The following CACNA2D3 variants were observed in gnomAD, a reference collection of about 807,000 sequenced individuals.
The protein encoded by CACNA2D3 is voltage-dependent calcium channel subunit alpha-2/delta-3.
A neutral mutation model predicts 160.6 loss-of-function variants in CACNA2D3; 60 were observed. The ratio of observed to expected loss-of-function variants is 0.37; its 90% CI spans 0.30 to 0.46. The LOEUF (loss-of-function observed/expected upper bound fraction) is 0.46. CACNA2D3 is among the 20% of genes least tolerant of loss of function. CACNA2D3 has a pLI of 1.00. For synonymous variants in CACNA2D3, 558 were observed against 492.9 expected (o/e 1.13, Z -1.75); for missense variants, 1,205 against 1,365.0 (o/e 0.88, Z 1.85).
At chr3:55,035,492 C>T (rs1035525482) in intron 35 of CACNA2D3, among the ~76,000 whole-genome samples, 2 of 152,148 alleles carry the variant, frequency 1.3e-5, no homozygotes, top group African/African-American at 4.8e-5. Flanking sequence ...GGATAAAGTG[C>T]TCAGGATGTA....
intron 2 of CACNA2D3, among the ~76,000 whole-genome samples, chr3:54,236,172 C>T (rs912606076): frequency 4.6e-5 from 7 of 152,120 alleles, no homozygotes; most frequent in African/African-American, 7.2e-5. Flanking sequence ...AAGCAAGTCT[C>T]GTAGAAACTG....
At chr3:54,877,465 A>G (rs964326516) in intron 18 of CACNA2D3, among the ~76,000 whole-genome samples, 5 of 152,128 alleles carry the variant, frequency 3.3e-5, no homozygotes, top group Non-Finnish European at 7.3e-5. Flanking sequence ...CTTCACTACA[A>G]CTTAATGGGA....
At chr3:54,427,286 G>A in intron 4 of CACNA2D3, among the ~76,000 whole-genome samples, 1 of 152,104 alleles carries the variant, frequency 6.6e-6, no homozygotes, top group East Asian at 1.9e-4. Context: ...ACAGAGAGCA[G>A]TATTTAAATT....
At chr3:54,160,859 A>G (rs6799361) in intron 2 of CACNA2D3, among the ~76,000 whole-genome samples, 78,295 of 152,050 alleles carry the variant, frequency 0.51, 20,616 homozygotes, top group African/African-American at 0.63. Context: ...TTTCATTGAG[A>G]TCAGTATTTT....
intron 13 of CACNA2D3, among the ~76,000 whole-genome samples, chr3:54,811,279 C>T (rs1703305166): frequency 1.3e-5 from 2 of 152,052 alleles, no homozygotes; most frequent in South Asian, 4.2e-4. Flanking sequence ...ATGCCTCTCC[C>T]ATAGTCATCT....
At chr3:55,013,109 A>T (rs573079533) in intron 34 of CACNA2D3, among the ~76,000 whole-genome samples, 1 of 152,290 alleles carries the variant, frequency 6.6e-6, no homozygotes, top group South Asian at 2.1e-4. Flanking sequence ...TTGTCACATA[A>T]TTGCATCATT....
chr3:54,592,874 C>T (rs1219003553), intron 9 of CACNA2D3, among the ~76,000 whole-genome samples: 1 of 152,146 alleles, frequency 6.6e-6, no homozygotes, highest in Admixed American at 6.5e-5. Flanking sequence ...TTCCCCAGTA[C>T]TTTTCTTTCA....
At chr3:54,435,909 T>G (rs1700052316) in intron 4 of CACNA2D3, among the ~76,000 whole-genome samples, 1 of 152,054 alleles carries the variant, frequency 6.6e-6, no homozygotes, top group South Asian at 2.1e-4. Flanking sequence ...CAAGTGGAAA[T>G]TATAGAAATG....
intron 27 of CACNA2D3, among the ~76,000 whole-genome samples, chr3:54,918,072 A>G (rs1483136342): frequency 1.3e-5 from 2 of 152,218 alleles, no homozygotes; most frequent in Admixed American, 1.3e-4. Context: ...CCAGTGGACC[A>G]TAAAGCTCCC....
intron 2 of CACNA2D3, among the ~76,000 whole-genome samples, chr3:54,143,687 G>A (rs1699975732): frequency 1.4e-5 from 2 of 147,286 alleles, no homozygotes; most frequent in South Asian, 4.4e-4. Context: ...TTTTAGTAGA[G>A]ACGGGGTTTC....
At chr3:54,406,365 G>T (rs889125357) in intron 4 of CACNA2D3, among the ~76,000 whole-genome samples, 1 of 152,000 alleles carries the variant, frequency 6.6e-6, no homozygotes, top group Non-Finnish European at 1.5e-5. Flanking sequence ...GTGTATGTGT[G>T]TATATATATG....
intron 11 of CACNA2D3, among the ~76,000 whole-genome samples, chr3:54,707,484 C>A (rs999646204): frequency 3.9e-5 from 6 of 152,172 alleles, no homozygotes; most frequent in Admixed American, 3.3e-4. Context: ...GAAAGGGATT[C>A]ACAGGGCAAC....
intron 27 of CACNA2D3, among the ~76,000 whole-genome samples, chr3:54,964,176 T>A (rs1702092289): frequency 6.6e-6 from 1 of 152,104 alleles, no homozygotes; most frequent in Non-Finnish European, 1.5e-5. Context: ...TGGGGAAGGA[T>A]CCTATGGGAT....
chr3:54,564,213 T>C (rs908053051), intron 6 of CACNA2D3, among the ~76,000 whole-genome samples: 2 of 152,170 alleles, frequency 1.3e-5, no homozygotes, highest in African/African-American at 4.8e-5. Context: ...AAACCGCAGA[T>C]CACCTGTTGT....
At chr3:54,791,815 G>A (rs943586599) in intron 13 of CACNA2D3, among the ~76,000 whole-genome samples, 1 of 152,108 alleles carries the variant, frequency 6.6e-6, no homozygotes, top group Non-Finnish European at 1.5e-5. Flanking sequence ...TTAGAGTTCT[G>A]AAGTTTTTAC....
intron 5 of CACNA2D3, among the ~76,000 whole-genome samples, chr3:54,552,746 G>A (rs141209187): frequency 1.0e-3 from 152 of 152,260 alleles, no homozygotes; most frequent in African/African-American, 3.5e-3. Flanking sequence ...TCTTCTTAAT[G>A]TCTCTAAAGG....
At chr3:55,062,470 G>GTCTC (rs1190302721) in intron 35 of CACNA2D3, among the ~76,000 whole-genome samples, 1 of 152,076 alleles carries the variant, frequency 6.6e-6, no homozygotes, top group African/African-American at 2.4e-5. Context: ...AAAAAAGGAG[G>GTCTC]TCTCTGCCTT....
At chr3:54,213,874 A>C (rs542829343) in intron 2 of CACNA2D3, among the ~76,000 whole-genome samples, 1 of 152,350 alleles carries the variant, frequency 6.6e-6, no homozygotes, top group East Asian at 1.9e-4. Flanking sequence ...TCTGGCCTGG[A>C]GTCCCTCTTG....
intron 4 of CACNA2D3, among the ~76,000 whole-genome samples, chr3:54,419,391 C>T (rs1699805072): frequency 6.6e-6 from 1 of 152,194 alleles, no homozygotes; most frequent in African/African-American, 2.4e-5. Flanking sequence ...GCTGACTGCT[C>T]AGTTTCATTT....
Sources: gnomAD v4.1 joint callset for allele counts (sites outside exome capture counted in the v4.1 genomes callset) on GRCh38, gnomAD v4.1.1 for gene constraint, MANE v1.5 for transcripts, NCBI Gene and HGNC (gene_info 2026-07-23, HGNC 2026-07-21) for gene names.